The following LDB2 variants were observed in gnomAD, a reference collection of about 807,000 sequenced individuals.
The protein encoded by LDB2 is LIM domain-binding protein 2.
In LDB2, 12 loss-of-function variants were observed where a neutral mutation model predicts 44.3. The ratio of observed to expected loss-of-function variants is 0.27; its 90% CI spans 0.17 to 0.44. The LOEUF is 0.44. Among genes scored for constraint, LDB2 ranks in the 20% least tolerant of loss-of-function variants. The pLI, the probability that LDB2 is intolerant of heterozygous loss-of-function variation, is 1.00. For synonymous variants in LDB2, 164 were observed against 174.8 expected (o/e 0.94, Z 0.49); for missense variants, 344 against 473.5 (o/e 0.73, Z 2.54).
intron 2 of LDB2, among the ~76,000 whole-genome samples, chr4:16,669,477 G>T (rs1425119025): frequency 6.6e-6 from 1 of 152,016 alleles, no homozygotes; most frequent in Non-Finnish European, 1.5e-5. Flanking sequence ...CTATACCCTT[G>T]TTGATTATTT....
intron 1 of LDB2, among the ~76,000 whole-genome samples, chr4:16,890,006 T>C (rs975447634): frequency 1.3e-5 from 2 of 152,226 alleles, no homozygotes; most frequent in African/African-American, 4.8e-5. Flanking sequence ...GCCAGCACTA[T>C]GCCAAATCCC....
At chr4:16,767,577 C>T (rs958345036) in intron 1 of LDB2, among the ~76,000 whole-genome samples, 6 of 152,034 alleles carry the variant, frequency 3.9e-5, no homozygotes, top group South Asian at 2.1e-4. Context: ...CTGTGTGTGG[C>T]GAGTGTTTAG....
intron 1 of LDB2, among the ~76,000 whole-genome samples, chr4:16,882,059 T>C (rs1720298212): frequency 6.6e-6 from 1 of 152,362 alleles, no homozygotes; most frequent in East Asian, 1.9e-4. Context: ...TATGCACGTG[T>C]GTGCATGTCT....
intron 1 of LDB2, among the ~76,000 whole-genome samples, chr4:16,769,713 G>A (rs1770222063): frequency 6.7e-6 from 1 of 149,868 alleles, no homozygotes; most frequent in African/African-American, 2.5e-5. Flanking sequence ...TTATTTAACT[G>A]TAAGCATTAG....
At chr4:16,504,179 AT>A (rs145476727) in intron 7 of LDB2, among the ~76,000 whole-genome samples, 2,315 of 152,266 alleles carry the variant, frequency 0.015, 23 homozygotes, top group Middle Eastern at 0.062. Flanking sequence ...GCAGAAATTC[AT>A]TTTACTAGAG....
rs558194120 is a variant in LDB2, at chr4:16,753,083, C to G, written c.235+6075G>C. On this transcript the variant is annotated intron_variant, in intron 2 of 7. Coordinates refer to ENST00000304523, the MANE Select transcript of LDB2 (RefSeq NM_001290.5). ...AAAAAACACACACGGGTCTTAAATT[C>G]TTGCACTTGAAATCCCATTCCCCAT... Among the ~76,000 whole-genome samples the G allele has an allele frequency of 1.1e-4, 16 of 152,290 alleles. No homozygotes were observed. The South Asian group carries it at 3.3e-3, about 32-fold the overall frequency.
intron 2 of LDB2, among the ~76,000 whole-genome samples, chr4:16,605,794 C>T (rs1723768293): frequency 6.6e-6 from 1 of 152,134 alleles, no homozygotes; most frequent in South Asian, 2.1e-4. Flanking sequence ...ATTCCAGAGA[C>T]CTCCCCGCCC....
At chr4:16,882,717 A>AT (rs921996218) in intron 1 of LDB2, among the ~76,000 whole-genome samples, 12 of 151,718 alleles carry the variant, frequency 7.9e-5, no homozygotes, top group East Asian at 5.8e-4. Flanking sequence ...CAAATACAGT[A>AT]TTTTTTTTTC....
At chr4:16,511,482 C>G (rs1289435172) in intron 6 of LDB2, among the ~76,000 whole-genome samples, 2 of 152,116 alleles carry the variant, frequency 1.3e-5, no homozygotes. Flanking sequence ...TTCCTTCATC[C>G]TTTCCTCCTT....
At chr4:16,557,406 T>C (rs971108339) in intron 5 of LDB2, among the ~76,000 whole-genome samples, 4 of 152,222 alleles carry the variant, frequency 2.6e-5, no homozygotes, top group African/African-American at 9.6e-5. Context: ...CAGGAGATTA[T>C]ATCCCGCACC....
chr4:16,831,340 C>A (rs1784050490), intron 1 of LDB2, among the ~76,000 whole-genome samples: 1 of 152,018 alleles, frequency 6.6e-6, no homozygotes, highest in Non-Finnish European at 1.5e-5. Flanking sequence ...TCACATAGAT[C>A]TCACAGCAAA....
Position 16,582,101 on chromosome 4 carries a change from G to A in LDB2, c.615+3821C>T, listed in dbSNP as rs1035802350. Among the ~76,000 whole-genome samples the A allele has an allele frequency of 6.6e-6, 1 of 152,166 alleles. No individual in the cohort carries two copies. Among genetic ancestry groups the A allele is most frequent in the African/African-American group, 2.4e-5 (1 of 41,436 alleles). ...ATATAGCAGCAATGCCTGGCACATAGTAAGTGCCCCAGAAATGTTAGCTAG... is the reference window on the plus strand; with the variant it reads ...ATATAGCAGCAATGCCTGGCACATAATAAGTGCCCCAGAAATGTTAGCTAG... On this transcript the variant is annotated intron_variant, in intron 5 of 7. Coordinates refer to ENST00000304523, the MANE Select transcript of LDB2 (RefSeq NM_001290.5). This position sits in a 1 kb window ranked among gnomAD's most constrained non-coding sequence, Gnocchi z 4.8.
At chr4:16,704,020 C>T (rs1229894169) in intron 2 of LDB2, among the ~76,000 whole-genome samples, 1 of 152,088 alleles carries the variant, frequency 6.6e-6, no homozygotes, top group Non-Finnish European at 1.5e-5. Context: ...CCCTCTTTTC[C>T]CCAACTGGGT....
At chr4:16,579,562 A>G (rs7688822) in intron 5 of LDB2, among the ~76,000 whole-genome samples, 9,525 of 152,234 alleles carry the variant, frequency 0.063, 872 homozygotes, top group African/African-American at 0.2. Context: ...AGCTCTGAGT[A>G]TTTAAGTGGG....
At chr4:16,637,986 C>T (rs913774448) in intron 2 of LDB2, among the ~76,000 whole-genome samples, 2 of 152,168 alleles carry the variant, frequency 1.3e-5, no homozygotes, top group Admixed American at 6.5e-5. Flanking sequence ...CCTCTCTGTG[C>T]TTCATTTATT....
chr4:16,733,749 C>G (rs1761257168), intron 2 of LDB2, among the ~76,000 whole-genome samples: 1 of 152,194 alleles, frequency 6.6e-6, no homozygotes, highest in African/African-American at 2.4e-5. Context: ...GGGAGTACCA[C>G]TTTCTGATGT....
intron 5 of LDB2, among the ~76,000 whole-genome samples, chr4:16,537,877 A>G (rs1732407314): frequency 1.3e-5 from 2 of 152,218 alleles, no homozygotes; most frequent in Non-Finnish European, 2.9e-5. Context: ...AGGTATAGGT[A>G]TAAGACAGGG....
chr4:16,727,770 G>A (rs1759840067), intron 2 of LDB2, among the ~76,000 whole-genome samples: 1 of 152,096 alleles, frequency 6.6e-6, no homozygotes, highest in Non-Finnish European at 1.5e-5. Flanking sequence ...GTTTGATTAA[G>A]TCTTCATTTT....
intron 5 of LDB2, among the ~76,000 whole-genome samples, chr4:16,526,476 C>G (rs1280181899): frequency 6.6e-6 from 1 of 152,196 alleles, no homozygotes; most frequent in Non-Finnish European, 1.5e-5. Flanking sequence ...TTGCAGATAT[C>G]TACTGCAGAA....
Sources: allele counts gnomAD v4.1 joint callset (sites outside exome capture counted in the v4.1 genomes callset), GRCh38; gene constraint gnomAD v4.1.1; non-coding constraint Gnocchi (gnomAD v3.1); transcripts MANE v1.5; gene names NCBI Gene and HGNC (gene_info 2026-07-23, HGNC 2026-07-21).